Variants in RANBP3 observed in about 807,000 individuals in gnomAD.
RANBP3 encodes the protein ran-binding protein 3.
A neutral mutation model predicts 77.3 loss-of-function variants in RANBP3; 14 were observed. That is an observed-to-expected ratio of 0.18 (90% CI 0.12 to 0.28). The LOEUF is 0.28. Among genes scored for constraint, RANBP3 ranks in the 10% least tolerant of loss-of-function variants. RANBP3 has a pLI of 1.00. For synonymous variants in RANBP3, 315 were observed against 312.4 expected (o/e 1.01, Z -0.09); for missense variants, 586 against 752.3 (o/e 0.78, Z 2.59).
rs921363357 is a variant in RANBP3 at position 5,958,665 on chromosome 19, C to T, written c.23-692G>A. Among the ~76,000 whole-genome samples, 12 of 152,222 alleles carry T rather than the reference C, an allele frequency of 7.9e-5. No homozygotes were observed. The highest frequency in any genetic ancestry group is 2.1e-4 in the South Asian group (1 of 4,830). On this transcript the variant is annotated intron_variant, in intron 1 of 16. Coordinates refer to ENST00000340578, the MANE Select transcript of RANBP3 (RefSeq NM_007322.3). The surrounding 1 kb of genome is among the most constrained non-coding windows in gnomAD (Gnocchi z 4.4). ...TCCACAGCCCTGTGCCACTCAGCCC[C>T]GGAGTGGGTGGCAGCCCAGGAGGCC...
intron 1 of RANBP3, among the ~76,000 whole-genome samples, chr19:5,964,213 C>A (rs544084775): frequency 1.3e-5 from 2 of 152,292 alleles, no homozygotes; most frequent in African/African-American, 4.8e-5. Context: ...CACAGACAGG[C>A]TAAGAAGCAA....
chr19:5,950,766 A>G (rs1402100261), intron 3 of RANBP3: 1 of 152,958 alleles, frequency 6.5e-6, no homozygotes, highest in Admixed American at 6.5e-5. Flanking sequence ...CTTGTTCTTG[A>G]GAGTTCACAA....
At chr19:5,938,960 G>C (rs1425317943) in intron 5 of RANBP3, among the ~76,000 whole-genome samples, 2 of 151,938 alleles carry the variant, frequency 1.3e-5, no homozygotes, top group South Asian at 2.1e-4. Flanking sequence ...CGAGACAGGT[G>C]CATCACCTGA....
intron 1 of RANBP3, among the ~76,000 whole-genome samples, chr19:5,973,504 A>G (rs542556694): frequency 6.6e-6 from 1 of 152,330 alleles, no homozygotes; most frequent in Admixed American, 6.5e-5. Context: ...GCACAGCGCA[A>G]TCGCCCACAA....
Position 5,921,454 on chromosome 19 carries a change from G to A in RANBP3, c.1210-133C>T. The A allele has an allele frequency of 1.7e-6, 2 of 1,143,704 alleles. No homozygotes were observed. The highest frequency in any genetic ancestry group is 1.6e-5 in the African/African-American group (1 of 64,460). 70.8% of individuals were successfully genotyped at this position (1,143,704 alleles called of 1,614,324 possible). On this transcript the variant is annotated intron_variant, in intron 13 of 16. Coordinates refer to ENST00000340578, the MANE Select transcript of RANBP3 (RefSeq NM_007322.3). This position sits in a 1 kb window ranked among gnomAD's most constrained non-coding sequence, Gnocchi z 5.3. Reference sequence around the variant, plus strand: ...GACGGCCTGGGGGCCACCTTGGTCAGTTTTTTGTCCTGCCCTCAAGCTAGA... The same window carrying A: ...GACGGCCTGGGGGCCACCTTGGTCAATTTTTTGTCCTGCCCTCAAGCTAGA...
intron 1 of RANBP3, among the ~76,000 whole-genome samples, chr19:5,960,600 G>A (rs1042186247): frequency 3.3e-5 from 5 of 152,164 alleles, no homozygotes; most frequent in Admixed American, 1.3e-4. Context: ...TGAAGGGGGA[G>A]GGAAGGAGGA....
chr19:5,976,933 T>C (rs2058599299), intron 1 of RANBP3, among the ~76,000 whole-genome samples: 1 of 152,164 alleles, frequency 6.6e-6, no homozygotes, highest in Non-Finnish European at 1.5e-5. Context: ...GTGACACGCC[T>C]TGGATAAGCG....
At chr19:5,941,764 C>G in intron 4 of RANBP3, 35 bp downstream of exon 4, 1 of 1,612,586 alleles carries the variant, frequency 6.2e-7, no homozygotes, top group Non-Finnish European at 8.5e-7. Context: ...GTCTTTAAAA[C>G]TGAAGATGGT....
At chr19:5,925,868 T>G in intron 9 of RANBP3, 131 bp from the exon 10 acceptor site, 15 of 666,434 alleles carry the variant, frequency 2.3e-5, no homozygotes, top group East Asian at 3.0e-5. Context: ...TACCCGCCTG[T>G]GTGTGTGCGC....
rs200963321 is a variant in RANBP3 at position 5,932,471 on chromosome 19, T to C, written c.546A>G (p.Pro182=). ...LRPAVLQAPQ[P]KALSQTVPSS... is the part of the protein sequence containing the mutation. ...TCTTACCAGTCTGGGACAGCGCCTT[T>C]GGCTGCGGAGCTTGTAACACTGCCG... The change falls in exon 7 of 17, where the codon CCA becomes CCG. Residue 182 remains proline (P), a synonymous_variant. Transcript: ENST00000340578. 9.9e-6 allele frequency: 16 copies of C among 1,613,920 alleles called. No homozygotes were observed. Among genetic ancestry groups the C allele is most frequent in the Middle Eastern group, 3.3e-4 (2 of 6,060 alleles).
chr19:5,945,853 C>T, intron 3 of RANBP3, among the ~76,000 whole-genome samples: 1 of 151,874 alleles, frequency 6.6e-6, no homozygotes, highest in African/African-American at 2.4e-5. Context: ...TAGAAGCAGC[C>T]CCGGGAACAC....
chr19:5,917,995 G>A lies in RANBP3; in HGVS notation c.1474-15C>T. On this transcript the variant is annotated splice_polypyrimidine_tract_variant and intron_variant, in intron 15 of 16. Coordinates refer to ENST00000340578, the MANE Select transcript of RANBP3 (RefSeq NM_007322.3). Reference sequence around the variant, plus strand: ...TTGGAGCTGGCCTGGGAAGGGAGGAGGGTATGAGACCCCCGGACCCCAGTC... The same window carrying A: ...TTGGAGCTGGCCTGGGAAGGGAGGAAGGTATGAGACCCCCGGACCCCAGTC... 6.4e-7 allele frequency: 1 copy of A among 1,574,782 alleles called. No individual in the cohort carries two copies. The highest frequency in any genetic ancestry group is 2.3e-5 in the East Asian group (1 of 44,232).
intron 15 of RANBP3, among the ~76,000 whole-genome samples, chr19:5,918,225 T>C (rs1488605175): frequency 6.6e-6 from 1 of 152,082 alleles, no homozygotes; most frequent in African/African-American, 2.4e-5. Flanking sequence ...AGGAGAGAGG[T>C]GACCGCCCCA....
At chr19:5,922,523 C>T (rs1599719996) in intron 13 of RANBP3, among the ~76,000 whole-genome samples, 2 of 152,264 alleles carry the variant, frequency 1.3e-5, no homozygotes, top group South Asian at 2.1e-4. Flanking sequence ...AACCTCTGGC[C>T]GCACCTGATC....
Position 5,941,824 on chromosome 19 carries a change from G to A in RANBP3, c.294C>T (p.Gly98=), listed in dbSNP as rs758520992. 104 of 1,612,006 alleles carry A rather than the reference G, an allele frequency of 6.5e-5. No homozygotes were observed. Among genetic ancestry groups the A allele is most frequent in the Middle Eastern group, 2.2e-4 (1 of 4,462 alleles). Reference sequence around the variant, plus strand: ...CTTCTCCGCCTTCAGGACTGGAGCCGCCAGCTGACCTCTGAAACAAGGAGC... The same window carrying A: ...CTTCTCCGCCTTCAGGACTGGAGCCACCAGCTGACCTCTGAAACAAGGAGC... ...FPRELAGRSA[G]GSSPEGGEDS... The change falls in exon 4 of 17, where the codon GGC becomes GGT. Residue 98 remains glycine (G), a synonymous_variant. Coordinates refer to ENST00000340578, the MANE Select transcript of RANBP3 (RefSeq NM_007322.3).
intron 1 of RANBP3, among the ~76,000 whole-genome samples, chr19:5,973,784 T>G (rs2058556722): frequency 6.6e-6 from 1 of 152,174 alleles, no homozygotes; most frequent in African/African-American, 2.4e-5. Context: ...CAGAGACTGG[T>G]GCTAAACAAT....
At chr19:5,945,936 T>C (rs1459466231) in intron 3 of RANBP3, among the ~76,000 whole-genome samples, 2 of 151,334 alleles carry the variant, frequency 1.3e-5, no homozygotes, top group African/African-American at 4.9e-5. Flanking sequence ...CAAGTCCCAT[T>C]AGCTCTAGCC....
chr19:5,918,457 G>T, intron 15 of RANBP3, 39 bp downstream of exon 15: 1 of 1,559,472 alleles, frequency 6.4e-7, no homozygotes. Context: ...AGGGCTGGCA[G>T]GATGAGGGGT....
chr19:5,956,091 A>C (rs1053298238), intron 2 of RANBP3, among the ~76,000 whole-genome samples: 1 of 152,210 alleles, frequency 6.6e-6, no homozygotes, highest in Admixed American at 6.5e-5. Flanking sequence ...TAGGCCAAAG[A>C]GTGAGGCTCC....
Sources: gnomAD v4.1 joint callset for allele counts (sites outside exome capture counted in the v4.1 genomes callset) on GRCh38, gnomAD v4.1.1 for gene constraint, Gnocchi (gnomAD v3.1) non-coding constraint, MANE v1.5 for transcripts, NCBI Gene and HGNC (gene_info 2026-07-23, HGNC 2026-07-21) for gene names.